The following DRC8 variants were observed in gnomAD, a reference collection of about 807,000 sequenced individuals.
DRC8 encodes dynein regulatory complex subunit 8, also known as dynein regulatory complex protein 8.
chr1:245,083,861 A>T, the DRC8 span: 4 of 870,224 alleles, frequency 4.6e-6, 1 homozygote, highest in South Asian at 8.2e-5. Context: ...GGTTAAGAGG[A>T]CAAAGAGTAG....
the DRC8 span, among the ~76,000 whole-genome samples, chr1:244,998,294 G>T: frequency 6.6e-6 from 1 of 152,056 alleles, no homozygotes; most frequent in African/African-American, 2.4e-5. Flanking sequence ...CTGCAGCCTC[G>T]AATGGCTGGG....
the DRC8 span, among the ~76,000 whole-genome samples, chr1:245,079,580 G>A: frequency 4.0e-5 from 6 of 151,734 alleles, no homozygotes; most frequent in South Asian, 1.3e-3. Flanking sequence ...CGATGGAGAC[G>A]GAATTATAGA....
At chr1:245,038,429 C>T in the DRC8 span, among the ~76,000 whole-genome samples, 7 of 152,102 alleles carry the variant, frequency 4.6e-5, no homozygotes, top group African/African-American at 1.7e-4. Flanking sequence ...GAGACCGTGC[C>T]ACTGCACTCC....
the DRC8 span, chr1:244,970,904 C>T: frequency 5.0e-6 from 1 of 201,128 alleles, no homozygotes; most frequent in South Asian, 8.8e-5. Context: ...CGCCTCCACA[C>T]TCTCGCCTGG....
At chr1:245,054,012 T>G in the DRC8 span, among the ~76,000 whole-genome samples, 1 of 152,130 alleles carries the variant, frequency 6.6e-6, no homozygotes, top group African/African-American at 2.4e-5. Flanking sequence ...GCATCAGCCT[T>G]CTTTGCACGG....
At chr1:245,077,856 C>G in the DRC8 span, among the ~76,000 whole-genome samples, 2 of 152,002 alleles carry the variant, frequency 1.3e-5, no homozygotes, top group African/African-American at 4.8e-5. Flanking sequence ...GCAACAAAAG[C>G]AAAAATAAAC....
the DRC8 span, among the ~76,000 whole-genome samples, chr1:245,094,104 A>G: frequency 6.6e-6 from 1 of 152,160 alleles, no homozygotes; most frequent in South Asian, 2.1e-4. Flanking sequence ...TATGATCCGC[A>G]CTTAGGCAAA....
At chr1:245,045,748 T>C in the DRC8 span, among the ~76,000 whole-genome samples, 3 of 75,840 alleles carry the variant, frequency 4.0e-5, no homozygotes, top group Non-Finnish European at 6.4e-5. Context: ...GCCATTAGTC[T>C]GACTGGTTGT....
chr1:245,004,008 C>CCACTGGTGG, the DRC8 span, among the ~76,000 whole-genome samples: 1 of 152,012 alleles, frequency 6.6e-6, no homozygotes, highest in Non-Finnish European at 1.5e-5. Flanking sequence ...GCATGTGCCA[C>CCACTGGTGG]CTTCGAGTTT....
chr1:245,103,179 C>T, the DRC8 span, among the ~76,000 whole-genome samples: 1 of 131,018 alleles, frequency 7.6e-6, no homozygotes, highest in African/African-American at 3.3e-5. Context: ...AGAGGTGGTC[C>T]TCTATGGTCA....
At chr1:245,098,374 T>G in the DRC8 span, among the ~76,000 whole-genome samples, 1 of 151,870 alleles carries the variant, frequency 6.6e-6, no homozygotes, top group Non-Finnish European at 1.5e-5. Flanking sequence ...TGGGATCCCC[T>G]AAAGAGGGAG....
the DRC8 span, chr1:245,017,110 A>G: frequency 1.1e-6 from 1 of 879,080 alleles, no homozygotes; most frequent in Non-Finnish European, 1.7e-6. Flanking sequence ...TAAACATGCT[A>G]AATGATACAT....
At chr1:245,048,986 CTTTT>C in the DRC8 span, among the ~76,000 whole-genome samples, 2 of 137,868 alleles carry the variant, frequency 1.5e-5, no homozygotes, top group Non-Finnish European at 3.2e-5. Context: ...TTTTTCTTTT[CTTTT>C]TTTTTTTTTT....
the DRC8 span, chr1:245,022,899 C>G: frequency 1.3e-5 from 2 of 152,190 alleles, no homozygotes; most frequent in African/African-American, 4.8e-5. Flanking sequence ...AACAATAATT[C>G]CATATCCCAC....
At chr1:245,004,052 C>A in the DRC8 span, among the ~76,000 whole-genome samples, 1 of 151,752 alleles carries the variant, frequency 6.6e-6, no homozygotes. Context: ...ATATTTTACT[C>A]GTAGAGTATT....
chr1:245,022,373 AG>A, the DRC8 span, among the ~76,000 whole-genome samples: 3 of 151,574 alleles, frequency 2.0e-5, no homozygotes, highest in Non-Finnish European at 2.9e-5. Context: ...CATGATAGCT[AG>A]GCTGGTCTCG....
At chr1:245,026,448 A>G in the DRC8 span, among the ~76,000 whole-genome samples, 1 of 152,256 alleles carries the variant, frequency 6.6e-6, no homozygotes, top group Non-Finnish European at 1.5e-5. Flanking sequence ...ATTCATGTTT[A>G]TCAGGTAGTA....
At chr1:245,030,665 T>A in the DRC8 span, 1 of 152,268 alleles carries the variant, frequency 6.6e-6, no homozygotes, top group East Asian at 1.9e-4. Flanking sequence ...ATTCTTCCTA[T>A]TTTGCTCCCG....
At chr1:244,987,838 G>A in the DRC8 span, among the ~76,000 whole-genome samples, 4 of 151,824 alleles carry the variant, frequency 2.6e-5, no homozygotes, top group Non-Finnish European at 4.4e-5. Flanking sequence ...TCTGTAGGTG[G>A]GATTTTGAGT....
Sources: gnomAD v4.1 joint callset for allele counts (sites outside exome capture counted in the v4.1 genomes callset) on GRCh38, gnomAD v4.1.1 for gene constraint, MANE v1.5 for transcripts, NCBI Gene and HGNC (gene_info 2026-07-23, HGNC 2026-07-21) for gene names.